Variants in CYFIP1 observed in about 807,000 individuals in gnomAD.
CYFIP1 encodes cytoplasmic FMR1 interacting protein 1.
CYFIP1 carries 58 observed loss-of-function variants against 163.5 expected under a neutral mutation model. The ratio of observed to expected loss-of-function variants is 0.35; its 90% confidence interval spans 0.29 to 0.44. The LOEUF is 0.44. Among genes scored for constraint, CYFIP1 ranks in the 20% least tolerant of loss-of-function variants. The pLI, the probability that CYFIP1 is intolerant of heterozygous loss-of-function variation, is 1.00. For missense variants in CYFIP1, 1,338 were observed against 1,653.8 expected (o/e 0.81, Z 3.31); for synonymous variants, 663 against 660.7 (o/e 1.00, Z -0.05).
chr15:22,946,255 A>C (rs892150569), intron 3 of CYFIP1, among the ~76,000 whole-genome samples: 2 of 151,244 alleles, frequency 1.3e-5, no homozygotes, highest in East Asian at 3.9e-4. Flanking sequence ...AGTGAGCCCT[A>C]ATCACACCAC....
intron 1 of CYFIP1, among the ~76,000 whole-genome samples, chr15:22,956,286 T>C (rs1048884383): frequency 6.6e-6 from 1 of 151,916 alleles, no homozygotes; most frequent in Non-Finnish European, 1.5e-5. Flanking sequence ...AAGAAAGAGA[T>C]GTCTCTCGTG....
At chr15:22,973,726 T>G (rs1314814213) in intron 1 of CYFIP1, among the ~76,000 whole-genome samples, 2 of 152,092 alleles carry the variant, frequency 1.3e-5, no homozygotes, top group Non-Finnish European at 2.9e-5. Context: ...TACATCAAAC[T>G]AAAAATGTTC....
intron 1 of CYFIP1, among the ~76,000 whole-genome samples, chr15:22,949,517 C>A (rs1467993400): frequency 6.6e-6 from 1 of 152,106 alleles, no homozygotes; most frequent in South Asian, 2.1e-4. Context: ...GGCTAAGCGG[C>A]GAGGGCGCAG....
Position 22,870,152 on chromosome 15 carries a change from A to G in CYFIP1, c.3638T>C (p.Ile1213Thr), listed in dbSNP as rs755958768. ...KMVERIRKFQ[I>T]LNDEIITILD... ...GATGGTGATGATCTCATCATTGAGA[A>G]TCTGGAACTTGCGAATTCTCTCCAC... The change falls in exon 31 of 31, where the codon ATT (isoleucine) becomes ACT (threonine). Residue 1213 changes from isoleucine to threonine, a missense_variant. Ile to Thr is a moderately conservative substitution (Grantham distance 89, BLOSUM62 -1). This residue lies in a region of CYFIP1 where 306 missense variants were observed against 322.1 expected (regional missense o/e 0.95). Coordinates refer to ENST00000617928, the MANE Select transcript of CYFIP1 (RefSeq NM_014608.6). 1.2e-6 allele frequency: 2 copies of G among 1,611,964 alleles called. No homozygotes were observed. The highest frequency in any genetic ancestry group is 1.7e-6 in the Non-Finnish European group (2 of 1,179,242).
intron 9 of CYFIP1, 100 bp from the exon 10 acceptor site, chr15:22,933,993 G>T: frequency 1.4e-6 from 1 of 735,502 alleles, no homozygotes. Context: ...ACTTCGGCTT[G>T]AATGCTACCT....
intron 25 of CYFIP1, among the ~76,000 whole-genome samples, chr15:22,880,964 T>C (rs1319263227): frequency 6.6e-6 from 1 of 152,144 alleles, no homozygotes; most frequent in East Asian, 1.9e-4. Flanking sequence ...GACATAAGCA[T>C]TGGTTTTAAT....
intron 13 of CYFIP1, among the ~76,000 whole-genome samples, chr15:22,925,737 G>A (rs1042744460): frequency 1.3e-5 from 2 of 152,102 alleles, no homozygotes; most frequent in African/African-American, 4.8e-5. Flanking sequence ...ACCCGACACT[G>A]CTCTCCATCC....
rs1476860110 is a variant in CYFIP1, at chr15:22,867,168, A to G, written c.*2860T>C. ...AAAATGCTTTATTTTTTCATTGGTG[A>G]TGAAAGTCTGAAATGTGCATTTGTC... On this transcript the variant is annotated 3_prime_UTR_variant, in exon 31 of 31. Transcript: ENST00000617928. The G allele has an allele frequency of 2.2e-6, 1 of 446,514 alleles. No homozygotes were observed. The highest frequency in any genetic ancestry group is 3.3e-5 in the East Asian group (1 of 29,970). The allele number at this position is 446,514 out of a possible 1,614,324, so 27.7% of individuals were successfully genotyped here.
rs1194087219 is a variant in CYFIP1 at position 22,945,148 on chromosome 15, C to T, written c.208-209G>A. 3.9e-5 allele frequency among the ~76,000 whole-genome samples: 6 copies of T among 152,166 alleles called. 1 individual carries two copies. The highest frequency in any genetic ancestry group is 3.3e-4 in the Admixed American group (5 of 15,268). On this transcript the variant is annotated intron_variant, in intron 3 of 30. Coordinates refer to ENST00000617928, the MANE Select transcript of CYFIP1 (RefSeq NM_014608.6). ...CAAAACACCCCATGGCTTCTGCAGG[C>T]GAGAGGGGTGTCAGTGACACGCAGG... is the stretch of plus-strand genomic sequence containing the variant.
chr15:22,964,348 A>ATC (rs1464499549), intron 1 of CYFIP1, among the ~76,000 whole-genome samples: 1 of 48,164 alleles, frequency 2.1e-5, no homozygotes, highest in African/African-American at 8.3e-5. Context: ...CCGCAACCTC[A>ATC]TCACTCACAC....
intron 12 of CYFIP1, among the ~76,000 whole-genome samples, chr15:22,927,547 C>T (rs1427051599): frequency 6.7e-6 from 1 of 148,852 alleles, no homozygotes; most frequent in African/African-American, 2.5e-5. Context: ...GTCCCAGCAA[C>T]TTGGGAGGCT....
intron 7 of CYFIP1, 22 bp from the exon 8 acceptor site, chr15:22,939,342 T>G (rs1223508081): frequency 6.2e-7 from 1 of 1,613,994 alleles, no homozygotes; most frequent in Admixed American, 1.7e-5. Flanking sequence ...AGCAAGAGAC[T>G]CATGCATGGG....
Position 22,916,351 on chromosome 15 carries a change from G to A in CYFIP1, c.1828+126C>T. ...GTACAGCCACCGCCACAGAGGGCAG[G>A]ACGAGTCACCGTCTGGGTGCACCAA... On this transcript the variant is annotated intron_variant, in intron 16 of 30. Transcript: ENST00000617928. 9 of 718,760 alleles carry A rather than the reference G, an allele frequency of 1.3e-5. No homozygotes were observed. The South Asian group carries it at 1.6e-4, about 13-fold the overall frequency. The allele number at this position is 718,760 out of a possible 1,614,324, so 44.5% of individuals were successfully genotyped here.
At chr15:22,885,083 G>A (rs539124667) in intron 23 of CYFIP1, among the ~76,000 whole-genome samples, 2 of 152,210 alleles carry the variant, frequency 1.3e-5, no homozygotes, top group South Asian at 4.2e-4. Context: ...GGGCTGCCTC[G>A]TACATGTCCT....
chr15:22,941,583 G>C (rs1369932272), intron 6 of CYFIP1, among the ~76,000 whole-genome samples: 1 of 152,024 alleles, frequency 6.6e-6, no homozygotes, highest in Non-Finnish European at 1.5e-5. Context: ...TGGGGGTGAT[G>C]GTCTGGGAAG....
In CYFIP1 at chr15:22,867,643, C is replaced by T. The variant is rs73418442; in HGVS notation, c.*2385G>A. ...ATAATGAGTTATATTGTCATTTAGA[C>T]TTTGAACAGCTCTGGGAAATAGAAG... is the stretch of plus-strand genomic sequence containing the variant. On this transcript the variant is annotated 3_prime_UTR_variant, in exon 31 of 31. Transcript: ENST00000617928. 0.019 allele frequency: 2,998 copies of T among 154,446 alleles called. 90 individuals are homozygous for T. The highest frequency in any genetic ancestry group is 0.068 in the African/African-American group (2,841 of 41,602). The allele number at this position is 154,446 out of a possible 1,614,324, so 9.6% of individuals were successfully genotyped here.
In CYFIP1 at chr15:22,867,945, T is replaced by G. The variant is rs891912820; in HGVS notation, c.*2083A>C. 6.6e-6 allele frequency: 1 copy of G among 151,478 alleles called. No individual in the cohort carries two copies. Among genetic ancestry groups the G allele is most frequent in the African/African-American group, 2.4e-5 (1 of 41,416 alleles). The allele number at this position is 151,478 out of a possible 1,614,324, so 9.4% of individuals were successfully genotyped here. On this transcript the variant is annotated 3_prime_UTR_variant, in exon 31 of 31. Coordinates refer to ENST00000617928, the MANE Select transcript of CYFIP1 (RefSeq NM_014608.6). Reference sequence around the variant, plus strand: ...TGAACTCCATTCAGCTTTGAACCTATCCACTCATAACCATTGACTGGCCTT... The same window carrying G: ...TGAACTCCATTCAGCTTTGAACCTAGCCACTCATAACCATTGACTGGCCTT...
At chr15:22,968,816 A>G (rs1269830104) in intron 1 of CYFIP1, among the ~76,000 whole-genome samples, 1 of 152,218 alleles carries the variant, frequency 6.6e-6, no homozygotes, top group Non-Finnish European at 1.5e-5. Flanking sequence ...CCACTGAGCC[A>G]TGAGTCCAGG....
chr15:22,902,534 T>C (rs1458786881), intron 22 of CYFIP1, among the ~76,000 whole-genome samples: 1 of 152,236 alleles, frequency 6.6e-6, no homozygotes. Context: ...ATATATTACT[T>C]GTGTAAGAAT....
Sources: allele counts gnomAD v4.1 joint callset (sites outside exome capture counted in the v4.1 genomes callset), GRCh38; gene constraint gnomAD v4.1.1; regional missense constraint gnomAD v4.1.1; transcripts MANE v1.5; gene names NCBI Gene and HGNC (gene_info 2026-07-23, HGNC 2026-07-21).